The following DGCR2 variants were observed in gnomAD, a reference collection of about 807,000 sequenced individuals.
DGCR2 encodes the protein integral membrane protein DGCR2/IDD.
Under a neutral mutation model 51.6 loss-of-function variants are expected in DGCR2, and 24 were observed. The observed-to-expected ratio is 0.47, with a 90% confidence interval of 0.34 to 0.65. DGCR2 has a LOEUF of 0.65. DGCR2 is among the 30% of genes least tolerant of loss of function. DGCR2 has a pLI of 0.01. For synonymous variants in DGCR2, 340 were observed against 315.4 expected (o/e 1.08, Z -0.82); for missense variants, 765 against 772.1 (o/e 0.99, Z 0.11).
intron 7 of DGCR2, among the ~76,000 whole-genome samples, chr22:19,044,996 G>GT (rs55987327): frequency 6.6e-6 from 1 of 151,780 alleles, no homozygotes; most frequent in African/African-American, 2.4e-5. Flanking sequence ...AAATTTGTCT[G>GT]TTTTTTTTAA....
At chr22:19,080,910 C>T (rs762359784) in intron 2 of DGCR2, among the ~76,000 whole-genome samples, 8 of 152,142 alleles carry the variant, frequency 5.3e-5, no homozygotes, top group East Asian at 1.9e-4. Flanking sequence ...GAAGGGAATG[C>T]GAGTGCCAAG....
chr22:19,041,143 C>T lies in DGCR2; in HGVS notation c.1311G>A (p.Lys437=), dbSNP rs994411472. 1.2e-6 allele frequency: 2 copies of T among 1,613,988 alleles called. No homozygotes were observed. The highest frequency in any genetic ancestry group is 1.7e-6 in the Non-Finnish European group (2 of 1,179,960). Residue 437 remains lysine (K), a synonymous_variant, in exon 9 of 10, where the codon AAG becomes AAA. Coordinates refer to ENST00000263196, the MANE Select transcript of DGCR2 (RefSeq NM_005137.3). The stretch of plus-strand genomic sequence containing the variant: ...CGTCGGGCTGGCCGATGTCCGGGTA[C>T]TTGTATGCCGTGTAGGGAGGTGGAG... ...HDPPPPYTAY[K]YPDIGQPDDP... is the part of the protein sequence containing the mutation.
At chr22:19,112,883 C>T (rs1421199741) in intron 1 of DGCR2, among the ~76,000 whole-genome samples, 1 of 144,296 alleles carries the variant, frequency 6.9e-6, no homozygotes, top group African/African-American at 2.5e-5. Flanking sequence ...AAATTAAATT[C>T]TACTTAATAG....
intron 2 of DGCR2, among the ~76,000 whole-genome samples, chr22:19,079,786 C>T (rs965876667): frequency 2.6e-5 from 4 of 152,244 alleles, no homozygotes; most frequent in African/African-American, 9.6e-5. Flanking sequence ...CATTTAACCA[C>T]GATATGACAT....
chr22:19,065,104 A>G (rs1268679492), intron 3 of DGCR2, 37 bp from the exon 4 acceptor site: 4 of 1,584,254 alleles, frequency 2.5e-6, no homozygotes, highest in Non-Finnish European at 3.5e-6. Context: ...CCAAGTTAGG[A>G]TCCAGCTCCA....
chr22:19,042,451 C>G (rs568239413), intron 7 of DGCR2, among the ~76,000 whole-genome samples: 5 of 152,216 alleles, frequency 3.3e-5, no homozygotes, highest in Non-Finnish European at 7.3e-5. Context: ...AGTTGCCCAG[C>G]AAGAATGAGC....
At chr22:19,085,516 T>C (rs769782183) in intron 2 of DGCR2, among the ~76,000 whole-genome samples, 1 of 152,204 alleles carries the variant, frequency 6.6e-6, no homozygotes, top group Non-Finnish European at 1.5e-5. Context: ...ACACATGTCA[T>C]AGGGCAAATG....
chr22:19,070,644 A>G (rs938348910), intron 2 of DGCR2, among the ~76,000 whole-genome samples: 2 of 152,214 alleles, frequency 1.3e-5, no homozygotes, highest in African/African-American at 4.8e-5. Flanking sequence ...CTGGGGTGGG[A>G]GACCAGGTGA....
At chr22:19,041,750 T>G in intron 8 of DGCR2, 57 bp downstream of exon 8, 2 of 1,569,570 alleles carry the variant, frequency 1.3e-6, no homozygotes, top group East Asian at 2.2e-5. Flanking sequence ...CATGGAGACA[T>G]GGGGTGACCT....
At chr22:19,041,572 C>T (rs1311354662) in intron 8 of DGCR2, 2 of 598,218 alleles carry the variant, frequency 3.3e-6, no homozygotes, top group Admixed American at 6.1e-5. Flanking sequence ...GAAGGGTGAT[C>T]CGGGCCTCTG....
At chr22:19,054,539 A>G (rs936047986) in intron 6 of DGCR2, among the ~76,000 whole-genome samples, 1 of 152,250 alleles carries the variant, frequency 6.6e-6, no homozygotes, top group Non-Finnish European at 1.5e-5. Flanking sequence ...GATTTAGAGA[A>G]CAGTAAAATA....
chr22:19,063,111 A>G, intron 5 of DGCR2, 91 bp downstream of exon 5: 2 of 1,265,194 alleles, frequency 1.6e-6, no homozygotes, highest in South Asian at 1.2e-5. Context: ...CCTACGGGCC[A>G]GGCAGCACTG....
At chr22:19,061,054 G>C (rs1013842508) in intron 5 of DGCR2, 16 of 246,284 alleles carry the variant, frequency 6.5e-5, no homozygotes, top group Non-Finnish European at 5.0e-5. Flanking sequence ...ATCATTAGCT[G>C]ATATTCTCAG....
At chr22:19,049,838 A>AG (rs2082530394) in intron 6 of DGCR2, among the ~76,000 whole-genome samples, 1 of 152,058 alleles carries the variant, frequency 6.6e-6, no homozygotes, top group African/African-American at 2.4e-5. Context: ...AAAAAAAAAA[A>AG]AAAAAAAGAT....
chr22:19,117,926 A>G (rs2083390455), intron 1 of DGCR2, among the ~76,000 whole-genome samples: 1 of 152,204 alleles, frequency 6.6e-6, no homozygotes, highest in African/African-American at 2.4e-5. Context: ...CTACAGAGGA[A>G]AGCACTCCAA....
At chr22:19,075,688 G>A (rs1489161866) in intron 2 of DGCR2, among the ~76,000 whole-genome samples, 1 of 152,156 alleles carries the variant, frequency 6.6e-6, no homozygotes, top group Non-Finnish European at 1.5e-5. Flanking sequence ...TACAGTATTT[G>A]TTATTTTGTG....
chr22:19,061,406 C>G (rs1438280124), intron 5 of DGCR2: 1 of 152,396 alleles, frequency 6.6e-6, no homozygotes, highest in Non-Finnish European at 1.5e-5. Flanking sequence ...CCCTACCACC[C>G]TGGGAGCCCC....
intron 1 of DGCR2, among the ~76,000 whole-genome samples, chr22:19,103,964 G>A (rs748509490): frequency 6.6e-6 from 1 of 152,026 alleles, no homozygotes; most frequent in Non-Finnish European, 1.5e-5. Flanking sequence ...CAAGGTTACA[G>A]TGAGCTATGA....
At chr22:19,116,519 A>G (rs1225149425) in intron 1 of DGCR2, among the ~76,000 whole-genome samples, 1 of 152,152 alleles carries the variant, frequency 6.6e-6, no homozygotes, top group Non-Finnish European at 1.5e-5. Flanking sequence ...TTGGCCCAAA[A>G]CTGGTCTCTC....
Sources: allele counts gnomAD v4.1 joint callset (sites outside exome capture counted in the v4.1 genomes callset), GRCh38; gene constraint gnomAD v4.1.1; transcripts MANE v1.5; gene names NCBI Gene and HGNC (gene_info 2026-07-23, HGNC 2026-07-21).